Variants in MACC1 observed in about 807,000 individuals in gnomAD.
The protein encoded by MACC1 is metastasis-associated in colon cancer protein 1.
Under a neutral mutation model 70.7 loss-of-function variants are expected in MACC1, and 79 were observed. The ratio of observed to expected loss-of-function variants is 1.12; its 90% CI spans 0.93 to 1.35. MACC1 has a LOEUF of 1.35. MACC1 is among the 40% of genes most tolerant of loss of function. The pLI is 0.00. For synonymous variants in MACC1, 361 were observed against 347.2 expected (o/e 1.04, Z -0.44); for missense variants, 1,106 against 978.1 (o/e 1.13, Z -1.74).
At chr7:20,175,701 A>T (rs1321238543) in intron 1 of MACC1, among the ~76,000 whole-genome samples, 1 of 152,116 alleles carries the variant, frequency 6.6e-6, no homozygotes, top group African/African-American at 2.4e-5. Context: ...CACAGTGTTT[A>T]ATCTTGAAAG....
intron 3 of MACC1, among the ~76,000 whole-genome samples, chr7:20,163,789 G>A (rs945455042): frequency 1.9e-4 from 29 of 152,102 alleles, no homozygotes; most frequent in African/African-American, 6.3e-4. Context: ...GCCACTGACC[G>A]GAAGTTACTT....
chr7:20,209,362 G>A (rs1396983900), intron 1 of MACC1, among the ~76,000 whole-genome samples: 1 of 152,266 alleles, frequency 6.6e-6, no homozygotes, highest in Non-Finnish European at 1.5e-5. Context: ...AGCTGCCCAA[G>A]GCCATAGGAG....
intron 6 of MACC1, among the ~76,000 whole-genome samples, chr7:20,148,144 C>G (rs73276427): frequency 0.25 from 38,450 of 152,034 alleles, 5,079 homozygotes; most frequent in Admixed American, 0.3. Context: ...TTTCTTTAGG[C>G]CCTTGCTTTC....
chr7:20,152,796 G>A (rs1490688393), intron 6 of MACC1, among the ~76,000 whole-genome samples: 1 of 152,114 alleles, frequency 6.6e-6, no homozygotes, highest in East Asian at 1.9e-4. Context: ...GCTTAAGGAG[G>A]CTGACAGAAT....
chr7:20,140,802 TACAC>T lies in MACC1; in HGVS notation c.*140_*143del, dbSNP rs10555255. The T allele has an allele frequency of 0.16, 71,911 of 439,426 alleles. 4,169 individuals are homozygous for T. The highest frequency in any genetic ancestry group is 0.2 in the Non-Finnish European group (50,899 of 256,264). The allele number at this position is 439,426 out of a possible 1,614,324, so 27.2% of individuals were successfully genotyped here. A position where few individuals can be genotyped will look rare whatever the true frequency, so the allele number is the denominator to read the frequency against. ...TGCTTTTCTGAGATTCTTTCTTTCC[TACAC>T]ACACACACACACACACACAGACACA... On this transcript the variant is annotated 3_prime_UTR_variant, in exon 7 of 7. Coordinates refer to ENST00000400331, the MANE Select transcript of MACC1 (RefSeq NM_182762.4).
At chr7:20,184,801 A>G (rs2128106284) in intron 1 of MACC1, among the ~76,000 whole-genome samples, 1 of 152,334 alleles carries the variant, frequency 6.6e-6, no homozygotes, top group South Asian at 2.1e-4. Flanking sequence ...CATTTGAAAG[A>G]AATGATGTAA....
chr7:20,180,296 A>G (rs1046151431), intron 1 of MACC1, among the ~76,000 whole-genome samples: 1 of 151,650 alleles, frequency 6.6e-6, no homozygotes, highest in Non-Finnish European at 1.5e-5. Flanking sequence ...CACAAAAATT[A>G]GCCGGGCGTG....
At chr7:20,180,571 C>A (rs890278859) in intron 1 of MACC1, among the ~76,000 whole-genome samples, 1 of 150,672 alleles carries the variant, frequency 6.6e-6, no homozygotes, top group African/African-American at 2.4e-5. Context: ...TGTGCCTGGG[C>A]GCAGTGGCCA....
At chr7:20,205,692 TTTTG>T (rs745390461) in intron 1 of MACC1, among the ~76,000 whole-genome samples, 40 of 152,304 alleles carry the variant, frequency 2.6e-4, no homozygotes, top group Non-Finnish European at 4.6e-4. Flanking sequence ...CTCAAGGGTT[TTTTG>T]TTTGTTTGTT....
At chr7:20,184,483 A>C (rs1464954450) in intron 1 of MACC1, among the ~76,000 whole-genome samples, 1 of 152,212 alleles carries the variant, frequency 6.6e-6, no homozygotes, top group African/African-American at 2.4e-5. Flanking sequence ...CTCATTATCA[A>C]ATAAACTCTT....
intron 6 of MACC1, chr7:20,150,651 T>C (rs762255592): frequency 6.6e-6 from 1 of 152,234 alleles, no homozygotes; most frequent in Non-Finnish European, 1.5e-5. Context: ...CTGGCTTCCA[T>C]TGGGAGAGTG....
chr7:20,185,367 T>C (rs1362306379), intron 1 of MACC1, among the ~76,000 whole-genome samples: 1 of 152,094 alleles, frequency 6.6e-6, no homozygotes, highest in Non-Finnish European at 1.5e-5. Context: ...CAAGGAGGCA[T>C]CAACTGAATG....
At chr7:20,180,399 C>T (rs939981768) in intron 1 of MACC1, among the ~76,000 whole-genome samples, 17 of 149,550 alleles carry the variant, frequency 1.1e-4, no homozygotes, top group African/African-American at 3.0e-4. Context: ...GCCGAGATTG[C>T]GCCACTGTAC....
At chr7:20,206,925 G>T (rs1265763323) in intron 1 of MACC1, among the ~76,000 whole-genome samples, 1 of 152,134 alleles carries the variant, frequency 6.6e-6, no homozygotes, top group African/African-American at 2.4e-5. Flanking sequence ...GCCAATCCAT[G>T]AACTTCTACA....
chr7:20,138,245 C>T lies in MACC1; in HGVS notation c.*2701G>A, dbSNP rs1404357624. On this transcript the variant is annotated 3_prime_UTR_variant, in exon 7 of 7. Transcript: ENST00000400331. Reference sequence around the variant, plus strand: ...TATTTGTGTGTATTAATATTAGAACCATTGTTTCATCCTCAAATTACAGAG... The same window carrying T: ...TATTTGTGTGTATTAATATTAGAACTATTGTTTCATCCTCAAATTACAGAG... The T allele has an allele frequency of 6.6e-6, 1 of 150,596 alleles. No individual in the cohort carries two copies. Among genetic ancestry groups the T allele is most frequent in the East Asian group, 1.9e-4 (1 of 5,154 alleles). The allele number at this position is 150,596 out of a possible 1,614,324, so 9.3% of individuals were successfully genotyped here.
intron 5 of MACC1, among the ~76,000 whole-genome samples, chr7:20,157,721 C>G (rs1034179264): frequency 4.2e-5 from 6 of 141,468 alleles, no homozygotes; most frequent in African/African-American, 1.6e-4. Context: ...GAGCTGTGAT[C>G]GTGCCACTGC....
chr7:20,177,569 T>G (rs1417567097), intron 1 of MACC1, among the ~76,000 whole-genome samples: 1 of 152,106 alleles, frequency 6.6e-6, no homozygotes, highest in Non-Finnish European at 1.5e-5. Context: ...AGTGCTTTTT[T>G]GTTCTAATTT....
At chr7:20,191,738 T>A (rs570775840) in intron 1 of MACC1, among the ~76,000 whole-genome samples, 2 of 152,152 alleles carry the variant, frequency 1.3e-5, no homozygotes, top group Non-Finnish European at 2.9e-5. Context: ...ACTGGCAAGA[T>A]CTAACTAAAA....
intron 1 of MACC1, among the ~76,000 whole-genome samples, chr7:20,204,730 A>T (rs1334108888): frequency 1.3e-5 from 2 of 152,248 alleles, no homozygotes; most frequent in African/African-American, 4.8e-5. Context: ...TACAGGCATA[A>T]CATAAAAATT....
Sources: gnomAD v4.1 joint callset for allele counts (sites outside exome capture counted in the v4.1 genomes callset) on GRCh38, gnomAD v4.1.1 for gene constraint, MANE v1.5 for transcripts, NCBI Gene and HGNC (gene_info 2026-07-23, HGNC 2026-07-21) for gene names.